CDH8: variants seen among roughly 807,000 people sequenced by gnomAD.
The protein encoded by CDH8 is cadherin-8.
A neutral mutation model predicts 68.1 loss-of-function variants in CDH8; 17 were observed. That is an observed-to-expected ratio of 0.25 (90% confidence interval 0.17 to 0.37). The LOEUF (loss-of-function observed/expected upper bound fraction) is 0.37, where lower values mean the gene tolerates loss of function less well. CDH8 is among the 10% of genes least tolerant of loss of function. The pLI is 1.00. For synonymous variants in CDH8, 372 were observed against 365.1 expected (o/e 1.02, Z -0.21); for missense variants, 763 against 999.3 (o/e 0.76, Z 3.19).
chr16:61,654,668 G>C (rs946853045), intron 11 of CDH8, among the ~76,000 whole-genome samples: 23 of 152,132 alleles, frequency 1.5e-4, no homozygotes, highest in African/African-American at 5.1e-4. Context: ...GTGAGAAAAG[G>C]GCAAGGAAAA....
chr16:61,761,005 T>C (rs182982448), intron 8 of CDH8, among the ~76,000 whole-genome samples: 1 of 152,242 alleles, frequency 6.6e-6, no homozygotes, highest in East Asian at 1.9e-4. Flanking sequence ...TTACTGAAAA[T>C]TATTTTCCTC....
intron 1 of CDH8, among the ~76,000 whole-genome samples, chr16:62,024,033 T>C (rs1902136988): frequency 6.6e-6 from 1 of 151,976 alleles, no homozygotes; most frequent in Non-Finnish European, 1.5e-5. Flanking sequence ...ATTTTTAGAA[T>C]TGGGGGAGGG....
At chr16:61,784,096 T>C (rs1394105302) in intron 8 of CDH8, among the ~76,000 whole-genome samples, 1 of 150,662 alleles carries the variant, frequency 6.6e-6, no homozygotes, top group Non-Finnish European at 1.5e-5. Context: ...ATATTAACTT[T>C]AAATGTAAAT....
intron 8 of CDH8, among the ~76,000 whole-genome samples, chr16:61,779,541 A>G (rs1458904514): frequency 6.6e-6 from 1 of 151,812 alleles, no homozygotes; most frequent in Non-Finnish European, 1.5e-5. Flanking sequence ...TTCTAATTCA[A>G]TAGGTCTCAA....
Position 61,651,180 on chromosome 16 carries a change from C to T in CDH8, c.*2428G>A, listed in dbSNP as rs1223546962. ...CAAGAGATACATAAAACATAATAAT[C>T]TCTCCTTGGTTTGGAAGGTGTAAGA... On this transcript the variant is annotated 3_prime_UTR_variant, in exon 12 of 12. Transcript: ENST00000577390. The T allele has an allele frequency of 1.3e-5, 2 of 152,038 alleles. No individual in the cohort carries two copies. Among genetic ancestry groups the T allele is most frequent in the Non-Finnish European group, 2.9e-5 (2 of 68,010 alleles). 9.4% of individuals were successfully genotyped at this position (152,038 alleles called of 1,614,324 possible). A position where few individuals can be genotyped will look rare whatever the true frequency, so the allele number is the denominator to read the frequency against.
intron 8 of CDH8, among the ~76,000 whole-genome samples, chr16:61,754,120 A>G (rs1053251233): frequency 6.6e-6 from 1 of 152,168 alleles, no homozygotes; most frequent in African/African-American, 2.4e-5. Context: ...GTTCTCAAAG[A>G]TAAAATCCTT....
chr16:61,768,285 C>A (rs905609887), intron 8 of CDH8, among the ~76,000 whole-genome samples: 16 of 143,522 alleles, frequency 1.1e-4, no homozygotes, highest in Admixed American at 8.6e-4. Context: ...CGGAAGAGCA[C>A]TTCAGGCTCT....
chr16:61,988,785 A>G (rs1258105804), intron 2 of CDH8, among the ~76,000 whole-genome samples: 2 of 152,176 alleles, frequency 1.3e-5, no homozygotes, highest in Non-Finnish European at 2.9e-5. Flanking sequence ...ACCATCATTC[A>G]TTGACAACTT....
intron 2 of CDH8, among the ~76,000 whole-genome samples, chr16:61,916,891 A>T (rs1165678764): frequency 6.6e-6 from 1 of 152,244 alleles, no homozygotes; most frequent in East Asian, 1.9e-4. Flanking sequence ...AAGTTTCTTT[A>T]AATGATAAAT....
At chr16:61,868,376 G>A (rs1282095826) in intron 3 of CDH8, among the ~76,000 whole-genome samples, 1 of 152,166 alleles carries the variant, frequency 6.6e-6, no homozygotes, top group Non-Finnish European at 1.5e-5. Flanking sequence ...GATATTCAGA[G>A]ATTAATGTAG....
At chr16:61,828,445 A>G (rs1464696841) in intron 4 of CDH8, among the ~76,000 whole-genome samples, 1 of 151,840 alleles carries the variant, frequency 6.6e-6, no homozygotes, top group Non-Finnish European at 1.5e-5. Context: ...AGCATCCAAG[A>G]ACCCTCTTTT....
chr16:61,713,841 CTTCATTTTTCT>C lies in CDH8; in HGVS notation c.1643_1653del (p.Lys548ArgfsTer2). On this transcript the variant is annotated frameshift_variant and splice_region_variant, in exon 10 of 12. Transcript: ENST00000577390. LOFTEE classifies it high-confidence loss of function. ...TGTTTCACAAAGCTAATATATTTACCTTCATTTTTCTTGATGGTGAAATTCGGATTGTTGAC... is the reference window on the plus strand; with the variant it reads ...TGTTTCACAAAGCTAATATATTTACCTGATGGTGAAATTCGGATTGTTGAC... The C allele has an allele frequency of 6.8e-7, 1 of 1,469,260 alleles. No homozygotes were observed. The highest frequency in any genetic ancestry group is 9.5e-7 in the Non-Finnish European group (1 of 1,049,802). The allele number at this position is 1,469,260 out of a possible 1,614,324, so 91.0% of individuals were successfully genotyped here.
chr16:61,995,117 G>A (rs1257588813), intron 2 of CDH8, among the ~76,000 whole-genome samples: 1 of 152,118 alleles, frequency 6.6e-6, no homozygotes, highest in Non-Finnish European at 1.5e-5. Context: ...TTTTATTAAA[G>A]AGAGAACAGT....
At chr16:61,891,976 T>C (rs1963786705) in intron 3 of CDH8, among the ~76,000 whole-genome samples, 2 of 152,204 alleles carry the variant, frequency 1.3e-5, no homozygotes, top group South Asian at 4.1e-4. Context: ...AAGAAATGTG[T>C]TAGGTTGAAG....
Position 61,873,712 on chromosome 16 carries a change from T to C in CDH8, c.548-16474A>G, listed in dbSNP as rs1963411799. Among the ~76,000 whole-genome samples the C allele has an allele frequency of 4.6e-5, 7 of 152,228 alleles. No homozygotes were observed. In the South Asian group the frequency reaches 1.2e-3, roughly 27 times the overall value. Reference sequence around the variant, plus strand: ...GTTTTTCAATGCTGGGCTGAGGGAATGAACAGCAGCTCCCAGCCAGTCATG... The same window carrying C: ...GTTTTTCAATGCTGGGCTGAGGGAACGAACAGCAGCTCCCAGCCAGTCATG... On this transcript the variant is annotated intron_variant, in intron 3 of 11. Transcript: ENST00000577390.
At chr16:61,686,732 G>A (rs1339327437) in intron 10 of CDH8, among the ~76,000 whole-genome samples, 1 of 151,904 alleles carries the variant, frequency 6.6e-6, no homozygotes, top group Non-Finnish European at 1.5e-5. Flanking sequence ...TGGAAGTCTT[G>A]CAGCTAGAAA....
At chr16:61,721,202 T>C (rs1351299951) in intron 9 of CDH8, among the ~76,000 whole-genome samples, 2 of 150,910 alleles carry the variant, frequency 1.3e-5, no homozygotes, top group Admixed American at 6.6e-5. Context: ...TGTGTTTTGC[T>C]ACATGTGGTT....
At chr16:61,708,630 C>T (rs1013475512) in intron 10 of CDH8, among the ~76,000 whole-genome samples, 2 of 152,208 alleles carry the variant, frequency 1.3e-5, no homozygotes, top group African/African-American at 4.8e-5. Flanking sequence ...TCTGTTTTAT[C>T]TATTTTTCTT....
intron 3 of CDH8, among the ~76,000 whole-genome samples, chr16:61,898,400 A>T (rs1963907025): frequency 6.6e-6 from 1 of 152,172 alleles, no homozygotes; most frequent in South Asian, 2.1e-4. Flanking sequence ...AAATATATGG[A>T]TAACAAATCA....
Sources: allele counts gnomAD v4.1 joint callset (sites outside exome capture counted in the v4.1 genomes callset), GRCh38; gene constraint gnomAD v4.1.1; transcripts MANE v1.5; gene names NCBI Gene and HGNC (gene_info 2026-07-23, HGNC 2026-07-21).